Variants in PCDHGA11 observed in about 807,000 individuals in gnomAD.
PCDHGA11 encodes protocadherin gamma subfamily A, 11.
Under a neutral mutation model 60.4 loss-of-function variants are expected in PCDHGA11, and 39 were observed. The observed-to-expected ratio is 0.65, with a 90% CI of 0.50 to 0.84. PCDHGA11 has a LOEUF of 0.84. Among genes scored for constraint, PCDHGA11 ranks in the 40% least tolerant of loss-of-function variants. The probability of loss-of-function intolerance (pLI) is 0.00; values close to 1 mark genes in which losing one functional copy is unlikely to be tolerated. For synonymous variants in PCDHGA11, 533 were observed against 510.3 expected (o/e 1.04, Z -0.60); for missense variants, 1,165 against 1,197.7 (o/e 0.97, Z 0.40).
At position 141,491,910 on chromosome 5, in the gene PCDHGA11, G is replaced by T. The variant is rs946745903; in HGVS notation, c.2434-2897G>T. On this transcript the variant is annotated intron_variant, in intron 1 of 3. Coordinates refer to ENST00000398587, the MANE Select transcript of PCDHGA11 (RefSeq NM_018914.3). This position sits in a 1 kb window ranked among gnomAD's most constrained non-coding sequence, Gnocchi z 6.9. ...GGCTCCGAGCACCGGGGGTGGTGGC[G>T]ACTGTGGGCGAGGGGAGGTGGGACC... 3.6e-6 allele frequency: 5 copies of T among 1,406,946 alleles called. No individual in the cohort carries two copies. Among genetic ancestry groups the T allele is most frequent in the Non-Finnish European group, 4.7e-6 (5 of 1,059,702 alleles). 87.2% of individuals were successfully genotyped at this position (1,406,946 alleles called of 1,614,324 possible).
At chr5:141,464,729 G>T (rs1412585185) in intron 1 of PCDHGA11, among the ~76,000 whole-genome samples, 1 of 151,948 alleles carries the variant, frequency 6.6e-6, no homozygotes, top group Non-Finnish European at 1.5e-5. Context: ...ATGTTTAAAA[G>T]CCAGTTTATA....
rs2099389707 is a variant in PCDHGA11, at chr5:141,476,358, G to A, written c.2434-18449G>A. On this transcript the variant is annotated intron_variant, in intron 1 of 3. Transcript: ENST00000398587. This position sits in a 1 kb window ranked among gnomAD's most constrained non-coding sequence, Gnocchi z 7.6. ...AGCCGAAGATTCTTTGAGGTGAACC[G>A]GGAGACCGGAGAGATGTTTGTGAAC... 6.2e-7 allele frequency: 1 copy of A among 1,614,134 alleles called. No individual in the cohort carries two copies. The highest frequency in any genetic ancestry group is 8.5e-7 in the Non-Finnish European group (1 of 1,180,022).
At position 141,423,680 on chromosome 5, in the gene PCDHGA11, C is replaced by T. The variant is rs2096766182; in HGVS notation, c.2433+20C>T. The stretch of plus-strand genomic sequence containing the variant: ...AATCAGGTGAGATTTATTTCTCTGC[C>T]TCCTAATTGTTGGTGTCTTGGCACA... On this transcript the variant is annotated intron_variant, in intron 1 of 3. Transcript: ENST00000398587. 1 of 1,479,088 alleles carries T rather than the reference C, an allele frequency of 6.8e-7. No individual in the cohort carries two copies. Among genetic ancestry groups the T allele is most frequent in the African/African-American group, 1.5e-5 (1 of 65,406 alleles). 91.6% of individuals were successfully genotyped at this position (1,479,088 alleles called of 1,614,324 possible). A position where few individuals can be genotyped will look rare whatever the true frequency, so the allele number is the denominator to read the frequency against.
intron 1 of PCDHGA11, chr5:141,426,599 A>G (rs1171205143): frequency 2.7e-6 from 1 of 377,348 alleles, no homozygotes; most frequent in Non-Finnish European, 5.4e-6. Flanking sequence ...TCATACCCTT[A>G]GAGATTGTAG....
At position 141,497,103 on chromosome 5, in the gene PCDHGA11, T is replaced by C. The variant is rs182534106; in HGVS notation, c.2492+2238T>C. On this transcript the variant is annotated intron_variant, in intron 2 of 3. Transcript: ENST00000398587. ...ACTTAGGAGGCTGAGGCAGAACTGC[T>C]TGAACCCGGAAGGCAGAGGTTGCAG... Among the ~76,000 whole-genome samples, 34 of 152,160 alleles carry C rather than the reference T, an allele frequency of 2.2e-4. 1 individual carries two copies. Among genetic ancestry groups the C allele is most frequent in the Admixed American group, 6.6e-4 (10 of 15,264 alleles).
chr5:141,512,656 C>G lies in PCDHGA11; in HGVS notation c.*1483C>G, dbSNP rs1262748947. ...CCCTTACAGTAGTGTAGCGCCCCCT[C>G]CCTCTTTCGGCTGGTGTAGAATAGC... On this transcript the variant is annotated 3_prime_UTR_variant, in exon 4 of 4. Coordinates refer to ENST00000398587, the MANE Select transcript of PCDHGA11 (RefSeq NM_018914.3). 1 of 152,508 alleles carries G rather than the reference C, an allele frequency of 6.6e-6. No homozygotes were observed. The highest frequency in any genetic ancestry group is 1.5e-5 in the Non-Finnish European group (1 of 68,228). The allele number at this position is 152,508 out of a possible 1,614,324, so 9.4% of individuals were successfully genotyped here.
chr5:141,491,483 A>ACCTGCAGGTGAGCTCGG lies in PCDHGA11; in HGVS notation c.2434-3323_2434-3307dup. The ACCTGCAGGTGAGCTCGG allele has an allele frequency of 3.1e-6, 5 of 1,614,018 alleles. No individual in the cohort carries two copies. The highest frequency in any genetic ancestry group is 4.2e-6 in the Non-Finnish European group (5 of 1,180,012). ...GACTTCTATAAGCAGTCCAGCCCCAACCTGCAGGTGAGCTCGGACGGCACG... is the reference window on the plus strand; with the variant it reads ...GACTTCTATAAGCAGTCCAGCCCCAACCTGCAGGTGAGCTCGGCCTGCAGGTGAGCTCGGACGGCACG... On this transcript the variant is annotated intron_variant, in intron 1 of 3. Coordinates refer to ENST00000398587, the MANE Select transcript of PCDHGA11 (RefSeq NM_018914.3). The surrounding 1 kb of genome is among the most constrained non-coding windows in gnomAD (Gnocchi z 6.9).
Position 141,485,730 on chromosome 5 carries a change from G to A in PCDHGA11, c.2434-9077G>A. On this transcript the variant is annotated intron_variant, in intron 1 of 3. Coordinates refer to ENST00000398587, the MANE Select transcript of PCDHGA11 (RefSeq NM_018914.3). This position sits in a 1 kb window ranked among gnomAD's most constrained non-coding sequence, Gnocchi z 5.7. ...TTTGCACTGGATGTGAAGAAGCGCA[G>A]CGACGGCAGCCTGGTCCCAGAGCTG... is the stretch of plus-strand genomic sequence containing the variant. 1 of 1,614,200 alleles carries A rather than the reference G, an allele frequency of 6.2e-7. No individual in the cohort carries two copies. Among genetic ancestry groups the A allele is most frequent in the Non-Finnish European group, 8.5e-7 (1 of 1,180,024 alleles).
chr5:141,430,155 A>G (rs1440666899), intron 1 of PCDHGA11, among the ~76,000 whole-genome samples: 7 of 152,184 alleles, frequency 4.6e-5, no homozygotes, highest in Admixed American at 1.3e-4. Flanking sequence ...CATTCAAGGA[A>G]TCTATTTAAA....
intron 1 of PCDHGA11, chr5:141,441,447 C>T: frequency 6.2e-6 from 1 of 161,550 alleles, no homozygotes. Flanking sequence ...CCAGCCCAAG[C>T]ATCACCCTAC....
rs1562144438 is a variant in PCDHGA11, at chr5:141,491,135, G to T, written c.2434-3672G>T. The T allele has an allele frequency of 6.2e-7, 1 of 1,613,986 alleles. No individual in the cohort carries two copies. Among genetic ancestry groups the T allele is most frequent in the Non-Finnish European group, 8.5e-7 (1 of 1,180,000 alleles). On this transcript the variant is annotated intron_variant, in intron 1 of 3. Transcript: ENST00000398587. This position sits in a 1 kb window ranked among gnomAD's most constrained non-coding sequence, Gnocchi z 6.9. ...CACACTGGTGAGGTGCGCACAGCCC[G>T]GGCCTTACTGGAGGATGACTCTGAC...
rs754836894 is a variant in PCDHGA11 at position 141,432,969 on chromosome 5, C to G, written c.2433+9309C>G. ...GGAGGCGGCTTGACAGGAGCGCCGG[C>G]GTCGCACTTTGTGGGCGTGGACGGG... On this transcript the variant is annotated intron_variant, in intron 1 of 3. Coordinates refer to ENST00000398587, the MANE Select transcript of PCDHGA11 (RefSeq NM_018914.3). The surrounding 1 kb of genome is among the most constrained non-coding windows in gnomAD (Gnocchi z 6.0). 5.0e-6 allele frequency: 8 copies of G among 1,614,030 alleles called. No homozygotes were observed. In the Admixed American group the frequency reaches 5.0e-5, roughly 10 times the overall value.
chr5:141,495,323 G>C (rs1029646773), intron 2 of PCDHGA11, among the ~76,000 whole-genome samples: 2 of 152,214 alleles, frequency 1.3e-5, no homozygotes, highest in African/African-American at 4.8e-5. Context: ...AGCCGAGGCT[G>C]ACTGCAGCCT....
intron 1 of PCDHGA11, among the ~76,000 whole-genome samples, chr5:141,456,303 G>A (rs941370138): frequency 6.6e-6 from 1 of 152,156 alleles, no homozygotes; most frequent in Non-Finnish European, 1.5e-5. Flanking sequence ...ATGGAGAACA[G>A]CAGCTAGGGC....
intron 2 of PCDHGA11, among the ~76,000 whole-genome samples, chr5:141,502,834 A>G (rs1398558120): frequency 6.7e-6 from 1 of 149,378 alleles, no homozygotes; most frequent in Non-Finnish European, 1.5e-5. Flanking sequence ...GGAAGCCTGG[A>G]CTGGCTGAGC....
rs57195665 is a variant in PCDHGA11 at position 141,423,674 on chromosome 5, C to T, written c.2433+14C>T. 2.0e-6 allele frequency: 3 copies of T among 1,514,742 alleles called. No homozygotes were observed. The highest frequency in any genetic ancestry group is 1.5e-5 in the African/African-American group (1 of 68,420). 93.8% of individuals were successfully genotyped at this position (1,514,742 alleles called of 1,614,324 possible). A position where few individuals can be genotyped will look rare whatever the true frequency, so the allele number is the denominator to read the frequency against. On this transcript the variant is annotated intron_variant, in intron 1 of 3. Coordinates refer to ENST00000398587, the MANE Select transcript of PCDHGA11 (RefSeq NM_018914.3). ...ACAAGTAATCAGGTGAGATTTATTT[C>T]TCTGCCTCCTAATTGTTGGTGTCTT... is the stretch of plus-strand genomic sequence containing the variant.
chr5:141,491,871 C>T lies in PCDHGA11; in HGVS notation c.2434-2936C>T, dbSNP rs1222191027. 2.1e-6 allele frequency: 3 copies of T among 1,451,434 alleles called. No individual in the cohort carries two copies. Among genetic ancestry groups the T allele is most frequent in the Non-Finnish European group, 2.7e-6 (3 of 1,098,418 alleles). 89.9% of individuals were successfully genotyped at this position (1,451,434 alleles called of 1,614,324 possible). ...ACCGTTTGCGCGAAACCAGAGTGGC[C>T]GATTAAGGGATGGGGCTCCGAGCAC... On this transcript the variant is annotated intron_variant, in intron 1 of 3. Transcript: ENST00000398587. The surrounding 1 kb of genome is among the most constrained non-coding windows in gnomAD (Gnocchi z 6.9).
rs765185360 is a variant in PCDHGA11, at chr5:141,491,451, C to T, written c.2434-3356C>T. 1.2e-6 allele frequency: 2 copies of T among 1,614,112 alleles called. No individual in the cohort carries two copies. The highest frequency in any genetic ancestry group is 1.1e-5 in the South Asian group (1 of 91,082). On this transcript the variant is annotated intron_variant, in intron 1 of 3. Coordinates refer to ENST00000398587, the MANE Select transcript of PCDHGA11 (RefSeq NM_018914.3). This position sits in a 1 kb window ranked among gnomAD's most constrained non-coding sequence, Gnocchi z 6.9. ...AGTGCTGCAGGCGCCAGGACTCACC[C>T]TCCCCGGACTTCTATAAGCAGTCCA...
At chr5:141,437,013 A>G (rs570721163) in intron 1 of PCDHGA11, among the ~76,000 whole-genome samples, 146 of 152,354 alleles carry the variant, frequency 9.6e-4, no homozygotes, top group Non-Finnish European at 1.2e-3. Flanking sequence ...ATCTTAGATA[A>G]TTTCACCAGA....
Sources: allele counts gnomAD v4.1 joint callset (sites outside exome capture counted in the v4.1 genomes callset), GRCh38; gene constraint gnomAD v4.1.1; non-coding constraint Gnocchi (gnomAD v3.1); transcripts MANE v1.5; gene names NCBI Gene and HGNC (gene_info 2026-07-23, HGNC 2026-07-21).